Variants in MAF observed in about 807,000 individuals in gnomAD.
MAF encodes the protein transcription factor Maf.
MAF carries 10 observed loss-of-function variants against 22.0 expected under a neutral mutation model. That is an observed-to-expected ratio of 0.45 (90% CI 0.28 to 0.77). The LOEUF (loss-of-function observed/expected upper bound fraction) is 0.77, where lower values mean the gene tolerates loss of function less well. MAF is among the 30% of genes least tolerant of loss of function. The pLI, the probability that MAF is intolerant of heterozygous loss-of-function variation, is 0.12. For missense variants in MAF, 544 were observed against 548.4 expected (o/e 0.99, Z 0.08); for synonymous variants, 337 against 255.8 (o/e 1.32, Z -3.03).
chr16:79,377,799 T>G, the MAF span, among the ~76,000 whole-genome samples: 1 of 152,168 alleles, frequency 6.6e-6, no homozygotes, highest in Non-Finnish European at 1.5e-5. Context: ...TTTCCCCATT[T>G]CTTGTTTTTG....
chr16:79,519,505 A>C, the MAF span, among the ~76,000 whole-genome samples: 1 of 152,246 alleles, frequency 6.6e-6, no homozygotes, highest in African/African-American at 2.4e-5. Flanking sequence ...TTCAAGCACG[A>C]AGCAGCATGT....
the MAF span, among the ~76,000 whole-genome samples, chr16:79,458,574 G>A: frequency 6.6e-6 from 1 of 152,176 alleles, no homozygotes; most frequent in African/African-American, 2.4e-5. Context: ...CCAGCTCATG[G>A]AGGTGGAAGA....
chr16:79,325,069 G>T, the MAF span, among the ~76,000 whole-genome samples: 590 of 152,144 alleles, frequency 3.9e-3, 4 homozygotes, highest in African/African-American at 0.013. Flanking sequence ...CTTGGAATTA[G>T]AGCCTAACCC....
At chr16:79,558,754 G>T in the MAF span, among the ~76,000 whole-genome samples, 1 of 152,172 alleles carries the variant, frequency 6.6e-6, no homozygotes, top group East Asian at 1.9e-4. Flanking sequence ...CAAGAGTCCA[G>T]TGGCTTTCTT....
At chr16:79,579,883 G>C in the MAF span, among the ~76,000 whole-genome samples, 4 of 152,130 alleles carry the variant, frequency 2.6e-5, no homozygotes, top group African/African-American at 9.7e-5. Context: ...GACATGTTGA[G>C]TAAAGATAGA....
At chr16:79,348,613 C>T in the MAF span, among the ~76,000 whole-genome samples, 2 of 152,078 alleles carry the variant, frequency 1.3e-5, no homozygotes, top group South Asian at 2.1e-4. Flanking sequence ...TCAAAGTGTC[C>T]GTATCATCAT....
At chr16:79,292,386 A>G in the MAF span, among the ~76,000 whole-genome samples, 1 of 152,206 alleles carries the variant, frequency 6.6e-6, no homozygotes, top group African/African-American at 2.4e-5. Flanking sequence ...GTTAGAGGCA[A>G]GGAAATTCTT....
At chr16:79,435,412 T>C in the MAF span, among the ~76,000 whole-genome samples, 3 of 152,210 alleles carry the variant, frequency 2.0e-5, no homozygotes, top group African/African-American at 7.2e-5. Context: ...GGAAAACAGG[T>C]ACCTTCTGTG....
chr16:79,549,389 T>C, the MAF span, among the ~76,000 whole-genome samples: 1 of 152,202 alleles, frequency 6.6e-6, no homozygotes, highest in East Asian at 1.9e-4. Context: ...TAGAACACCC[T>C]GCAGCACAGC....
At chr16:79,534,129 T>C in the MAF span, among the ~76,000 whole-genome samples, 1 of 152,376 alleles carries the variant, frequency 6.6e-6, no homozygotes, top group African/African-American at 2.4e-5. Context: ...TAACATTGGC[T>C]ATTCAGAAGT....
the MAF span, among the ~76,000 whole-genome samples, chr16:79,496,998 C>A: frequency 6.6e-6 from 1 of 152,008 alleles, no homozygotes; most frequent in East Asian, 1.9e-4. Context: ...GTGAGTGTAA[C>A]AATTTATATG....
At chr16:79,490,680 C>T in the MAF span, among the ~76,000 whole-genome samples, 7 of 152,178 alleles carry the variant, frequency 4.6e-5, no homozygotes, top group Non-Finnish European at 8.8e-5. Context: ...CAGACTGTTA[C>T]AGAGATTGGA....
chr16:79,263,721 T>C, the MAF span, among the ~76,000 whole-genome samples: 1 of 148,684 alleles, frequency 6.7e-6, no homozygotes, highest in Non-Finnish European at 1.5e-5. Flanking sequence ...TTACTTTCCC[T>C]GGTAATTAGC....
chr16:79,208,037 G>A, the MAF span, among the ~76,000 whole-genome samples: 8 of 152,162 alleles, frequency 5.3e-5, no homozygotes, highest in African/African-American at 1.9e-4. Flanking sequence ...CCACCTTTCT[G>A]TAGTTGAAGA....
At chr16:79,487,941 A>G in the MAF span, among the ~76,000 whole-genome samples, 1 of 152,214 alleles carries the variant, frequency 6.6e-6, no homozygotes, top group Admixed American at 6.5e-5. Flanking sequence ...CCCTGTGCTC[A>G]CAATGCTCAG....
the MAF span, among the ~76,000 whole-genome samples, chr16:79,232,042 T>C: frequency 5.4e-4 from 82 of 152,070 alleles, 2 homozygotes; most frequent in Middle Eastern, 3.4e-3. Context: ...CCACCGCTGA[T>C]AGGACAGGAG....
the MAF span, among the ~76,000 whole-genome samples, chr16:79,469,622 A>AGTCT: frequency 6.6e-6 from 1 of 152,090 alleles, no homozygotes; most frequent in South Asian, 2.1e-4. Context: ...TCTGAGACAG[A>AGTCT]GTCTCACTCT....
At chr16:79,271,133 C>G in the MAF span, among the ~76,000 whole-genome samples, 1 of 148,868 alleles carries the variant, frequency 6.7e-6, no homozygotes, top group Non-Finnish European at 1.5e-5. Context: ...CCAGGCTGGT[C>G]TTGAACTCCT....
At chr16:79,558,135 G>T in the MAF span, among the ~76,000 whole-genome samples, 1 of 150,842 alleles carries the variant, frequency 6.6e-6, no homozygotes, top group Non-Finnish European at 1.5e-5. Flanking sequence ...CAATTGGAGA[G>T]AGTGGGTCTT....
Sources: allele counts gnomAD v4.1 joint callset (sites outside exome capture counted in the v4.1 genomes callset), GRCh38; gene constraint gnomAD v4.1.1; transcripts MANE v1.5; gene names NCBI Gene and HGNC (gene_info 2026-07-23, HGNC 2026-07-21).